HSF2BP: variants seen among roughly 807,000 people sequenced by gnomAD.
The protein encoded by HSF2BP is heat shock factor 2-binding protein.
HSF2BP carries 35 observed loss-of-function variants against 35.0 expected under a neutral mutation model. The ratio of observed to expected loss-of-function variants is 1.00; its 90% CI spans 0.76 to 1.32. The LOEUF is 1.32. HSF2BP is among the 40% of genes most tolerant of loss of function. The pLI is 0.00. For synonymous variants in HSF2BP, 114 were observed against 117.4 expected (o/e 0.97, Z 0.18); for missense variants, 326 against 321.7 (o/e 1.01, Z -0.10).
At chr21:43,632,041 ACACACGCTCCCCCCC>A (rs2082469970) in intron 5 of HSF2BP, among the ~76,000 whole-genome samples, 2 of 38,404 alleles carry the variant, frequency 5.2e-5, no homozygotes, top group Admixed American at 4.0e-4. Context: ...TCCCACACAC[ACACACGCTCCCCCCC>A]CACACACGCT....
chr21:43,607,667 G>C (rs2082151510), intron 7 of HSF2BP, among the ~76,000 whole-genome samples: 3 of 152,160 alleles, frequency 2.0e-5, no homozygotes, highest in Non-Finnish European at 2.9e-5. Context: ...AACAAAGCTA[G>C]AGCCATCACA....
At chr21:43,651,023 G>C (rs1194725178) in intron 3 of HSF2BP, among the ~76,000 whole-genome samples, 2 of 152,018 alleles carry the variant, frequency 1.3e-5, no homozygotes, top group African/African-American at 4.8e-5. Flanking sequence ...TACATCTCTT[G>C]CAAACATAGC....
chr21:43,617,929 G>A (rs1297451492), intron 6 of HSF2BP, among the ~76,000 whole-genome samples: 1 of 152,042 alleles, frequency 6.6e-6, no homozygotes, highest in Non-Finnish European at 1.5e-5. Context: ...ACTCCAGCCT[G>A]GGCAACAGAG....
At chr21:43,639,863 GA>G (rs201762646) in intron 4 of HSF2BP, among the ~76,000 whole-genome samples, 5 of 150,210 alleles carry the variant, frequency 3.3e-5, no homozygotes, top group African/African-American at 7.3e-5. Flanking sequence ...ATCAGTAATA[GA>G]AAAAAAAACC....
intron 8 of HSF2BP, among the ~76,000 whole-genome samples, chr21:43,578,154 A>C (rs1030679472): frequency 2.0e-5 from 3 of 152,164 alleles, no homozygotes; most frequent in African/African-American, 7.2e-5. Context: ...GATGCCCTGC[A>C]CTGACCACCT....
chr21:43,585,491 G>T (rs1023817623), intron 8 of HSF2BP, among the ~76,000 whole-genome samples: 3 of 151,890 alleles, frequency 2.0e-5, no homozygotes, highest in African/African-American at 7.3e-5. Flanking sequence ...AAACTGGGTG[G>T]GAAAATTAGC....
intron 8 of HSF2BP, among the ~76,000 whole-genome samples, chr21:43,587,068 A>T (rs1441658638): frequency 6.6e-6 from 1 of 152,200 alleles, no homozygotes; most frequent in Non-Finnish European, 1.5e-5. Flanking sequence ...AAACAGTCTA[A>T]ATTCTGAAAA....
intron 7 of HSF2BP, among the ~76,000 whole-genome samples, chr21:43,600,632 C>A (rs1052655531): frequency 2.0e-4 from 31 of 152,162 alleles, no homozygotes. Flanking sequence ...CAAGTTAGAA[C>A]CTAAAAACCT....
At chr21:43,576,981 T>C (rs568682939) in intron 8 of HSF2BP, among the ~76,000 whole-genome samples, 1 of 152,324 alleles carries the variant, frequency 6.6e-6, no homozygotes, top group South Asian at 2.1e-4. Context: ...CTGTGCTGGG[T>C]ACTCTATGTA....
At chr21:43,458,132 G>A in the HSF2BP span, among the ~76,000 whole-genome samples, 2 of 99,274 alleles carry the variant, frequency 2.0e-5, 1 homozygote, top group Admixed American at 2.6e-4. Context: ...CTCAGCCTCT[G>A]CCCCTGGGTC....
intron 6 of HSF2BP, among the ~76,000 whole-genome samples, chr21:43,625,269 GACA>G (rs1451174635): frequency 6.6e-6 from 1 of 151,950 alleles, no homozygotes; most frequent in African/African-American, 2.4e-5. Context: ...AATGACGAAA[GACA>G]ACAGCCTCCA....
chr21:43,620,333 C>G (rs76080014), intron 6 of HSF2BP, among the ~76,000 whole-genome samples: 6,242 of 152,260 alleles, frequency 0.041, 440 homozygotes, highest in African/African-American at 0.14. Flanking sequence ...GAAATTCAGT[C>G]ATCTCCAAGA....
intron 2 of HSF2BP, 173 bp downstream of exon 2, chr21:43,657,888 C>T (rs2082898565): frequency 1.4e-5 from 14 of 985,352 alleles, no homozygotes; most frequent in Non-Finnish European, 1.7e-5. Context: ...TCGCCTCCCG[C>T]CCCAGGTCTC....
At chr21:43,653,782 G>A (rs1005009680) in intron 3 of HSF2BP, among the ~76,000 whole-genome samples, 2 of 152,170 alleles carry the variant, frequency 1.3e-5, no homozygotes, top group African/African-American at 4.8e-5. Context: ...GCCAGGAGGA[G>A]GCAGAACACA....
intron 7 of HSF2BP, among the ~76,000 whole-genome samples, chr21:43,593,646 T>C (rs1601634574): frequency 6.6e-6 from 1 of 151,894 alleles, no homozygotes; most frequent in African/African-American, 2.4e-5. Flanking sequence ...GACCAGCCAA[T>C]TCAAAAATAA....
intron 7 of HSF2BP, among the ~76,000 whole-genome samples, chr21:43,607,689 C>G (rs1048350533): frequency 5.3e-5 from 8 of 152,314 alleles, no homozygotes; most frequent in African/African-American, 1.9e-4. Context: ...TGCCCACCTT[C>G]AAACTATACT....
intron 3 of HSF2BP, among the ~76,000 whole-genome samples, chr21:43,649,791 A>G (rs938632310): frequency 1.3e-5 from 2 of 152,154 alleles, no homozygotes; most frequent in African/African-American, 4.8e-5. Flanking sequence ...CTTTTTTATT[A>G]TTTCTCTCCA....
chr21:43,638,434 G>A (rs535605209), intron 4 of HSF2BP, among the ~76,000 whole-genome samples: 1 of 152,218 alleles, frequency 6.6e-6, no homozygotes, highest in Non-Finnish European at 1.5e-5. Flanking sequence ...CTCCAGCCTG[G>A]GGGACAAGAT....
At chr21:43,613,972 A>G (rs769854215) in intron 6 of HSF2BP, 25 bp from the exon 7 acceptor site, 1 of 1,494,190 alleles carries the variant, frequency 6.7e-7, no homozygotes, top group Non-Finnish European at 9.3e-7. Flanking sequence ...GAAACAAAAC[A>G]TCAAGATCAT....
Sources: allele counts gnomAD v4.1 joint callset (sites outside exome capture counted in the v4.1 genomes callset), GRCh38; gene constraint gnomAD v4.1.1; transcripts MANE v1.5; gene names NCBI Gene and HGNC (gene_info 2026-07-23, HGNC 2026-07-21).